Variants in TENM2 observed in about 807,000 individuals in gnomAD.
TENM2 encodes the protein teneurin-2.
TENM2 carries 52 observed loss-of-function variants against 245.2 expected under a neutral mutation model. That is an observed-to-expected ratio of 0.21 (90% confidence interval 0.17 to 0.27). The LOEUF (loss-of-function observed/expected upper bound fraction) is 0.27, where lower values mean the gene tolerates loss of function less well. TENM2 is among the 10% of genes least tolerant of loss of function. The pLI is 1.00. For missense variants in TENM2, 3,046 were observed against 3,666.8 expected, an observed-to-expected ratio of 0.83 and a Z score of 4.37; for synonymous variants, 1,363 against 1,438.9, an observed-to-expected ratio of 0.95 and a Z score of 1.19.
chr5:167,872,548 GAGAAAGAA>G (rs144381538), intron 2 of TENM2, among the ~76,000 whole-genome samples: 807 of 65,460 alleles, frequency 0.012, 8 homozygotes, highest in Non-Finnish European at 0.017. Flanking sequence ...AAGAAAGAAA[GAGAAAGAA>G]AGAAAGAAAG....
At chr5:167,920,934 G>A (rs981561620) in intron 3 of TENM2, among the ~76,000 whole-genome samples, 8 of 152,022 alleles carry the variant, frequency 5.3e-5, no homozygotes, top group Admixed American at 2.0e-4. Flanking sequence ...TTGAAACTAG[G>A]TTATTATCCT....
chr5:168,253,465 G>A (rs1057047655), intron 27 of TENM2, among the ~76,000 whole-genome samples: 16 of 139,014 alleles, frequency 1.2e-4, no homozygotes, highest in South Asian at 2.3e-4. Context: ...TCACTCTGTC[G>A]CCCAGGCTGG....
upstream of TENM2, among the ~76,000 whole-genome samples, chr5:167,279,955 G>A (rs142444171): frequency 6.6e-6 from 1 of 152,166 alleles, no homozygotes; most frequent in African/African-American, 2.4e-5. Context: ...GGTATGACAA[G>A]TGATTTTTTA....
At chr5:167,822,166 G>C (rs113079519) in intron 2 of TENM2, among the ~76,000 whole-genome samples, 3,000 of 151,850 alleles carry the variant, frequency 0.02, 102 homozygotes, top group African/African-American at 0.068. Flanking sequence ...ATGGGCTTGG[G>C]ATTTGATTAA....
the TENM2 span, among the ~76,000 whole-genome samples, chr5:167,141,892 A>C: frequency 1.3e-5 from 2 of 152,232 alleles, no homozygotes; most frequent in Admixed American, 1.3e-4. Context: ...TGATGGGCAC[A>C]GTGTCAAAGC....
intron 1 of TENM2, among the ~76,000 whole-genome samples, chr5:167,322,536 A>G (rs1756826221): frequency 6.6e-6 from 1 of 152,176 alleles, no homozygotes; most frequent in African/African-American, 2.4e-5. Context: ...GTGAAGACCA[A>G]ATGAGATGGC....
At chr5:167,028,966 T>C in the TENM2 span, among the ~76,000 whole-genome samples, 32 of 152,348 alleles carry the variant, frequency 2.1e-4, no homozygotes, top group African/African-American at 7.5e-4. Context: ...GGTCTAATTT[T>C]TTTTAATGTG....
chr5:167,846,865 A>G (rs912603836), intron 2 of TENM2, among the ~76,000 whole-genome samples: 1 of 152,224 alleles, frequency 6.6e-6, no homozygotes, highest in Non-Finnish European at 1.5e-5. Flanking sequence ...ATCATATTCC[A>G]AAGATCGTTG....
At position 168,104,737 on chromosome 5, in the gene TENM2, G is replaced by A. The variant is rs145661080; in HGVS notation, c.1813+6610G>A. 8.7e-3 allele frequency among the ~76,000 whole-genome samples: 1,317 copies of A among 152,156 alleles called. 15 individuals carry two copies. The highest frequency in any genetic ancestry group is 0.03 in the African/African-American group (1,249 of 41,502). ...TCAGTCAGCATGCGTTTGCAAGAGC[G>A]TTTATTCCGCAGCCCTCACAATCTC... On this transcript the variant is annotated intron_variant, in intron 9 of 28. Transcript: ENST00000518659.
In TENM2 at chr5:168,247,736, A is replaced by G; in HGVS notation, c.6797A>G (p.Asp2266Gly). The G allele has an allele frequency of 6.2e-7, 1 of 1,613,916 alleles. No individual in the cohort carries two copies. Among genetic ancestry groups the G allele is most frequent in the Non-Finnish European group, 8.5e-7 (1 of 1,179,894 alleles). The change falls in exon 27 of 29, where the codon GAC becomes GGC. Residue 2266 changes from aspartate to glycine, a missense_variant. Around this residue, in one of 2 missense-constraint regions of TENM2, gnomAD observed 2,704 missense variants for 3,331.9 expected, o/e 0.81. Coordinates refer to ENST00000518659, the Ensembl canonical transcript of TENM2. The surrounding 1 kb of genome is among the most constrained non-coding windows in gnomAD (Gnocchi z 7.8). ...GGGGATGTGCAGTACAAAATTGACG[A>G]CGATGGCTATCTGTGCCAGAGAGGG...
At chr5:168,239,347 A>C (rs1765888264) in intron 25 of TENM2, among the ~76,000 whole-genome samples, 1 of 152,160 alleles carries the variant, frequency 6.6e-6, no homozygotes, top group Admixed American at 6.5e-5. Flanking sequence ...GTTAACTCAA[A>C]CCTGTGCTAT....
At chr5:167,376,662 A>C (rs1274015613) in intron 2 of TENM2, among the ~76,000 whole-genome samples, 4 of 152,168 alleles carry the variant, frequency 2.6e-5, no homozygotes, top group South Asian at 2.1e-4. Context: ...GATGTGTCTT[A>C]CTTATGCCTC....
At chr5:167,749,411 G>C (rs565959729) in intron 2 of TENM2, among the ~76,000 whole-genome samples, 1 of 152,076 alleles carries the variant, frequency 6.6e-6, no homozygotes, top group Non-Finnish European at 1.5e-5. Context: ...AGGCCGAAGC[G>C]GGCAGATCAT....
chr5:168,059,728 T>C (rs1789869587), intron 6 of TENM2, among the ~76,000 whole-genome samples: 1 of 152,190 alleles, frequency 6.6e-6, no homozygotes, highest in African/African-American at 2.4e-5. Context: ...GAGCTCCTGA[T>C]CAACTTGTTG....
intron 1 of TENM2, among the ~76,000 whole-genome samples, chr5:167,359,154 G>A (rs1759542340): frequency 6.6e-6 from 1 of 152,128 alleles, no homozygotes; most frequent in Non-Finnish European, 1.5e-5. Context: ...ATTAGATGAT[G>A]TCATCTTTCC....
At chr5:167,559,959 C>CA (rs1773481820) in intron 2 of TENM2, among the ~76,000 whole-genome samples, 1 of 152,152 alleles carries the variant, frequency 6.6e-6, no homozygotes, top group African/African-American at 2.4e-5. Context: ...GGGTGGCTCT[C>CA]ACGACCAAGG....
intron 20 of TENM2, 57 bp downstream of exon 22, chr5:168,211,811 T>G: frequency 2.7e-6 from 3 of 1,125,314 alleles, no homozygotes; most frequent in Non-Finnish European, 3.8e-6. Context: ...CTTCCTTGTG[T>G]TTGCTTTTTT....
At chr5:168,059,395 C>T (rs1168786487) in intron 6 of TENM2, among the ~76,000 whole-genome samples, 11 of 152,218 alleles carry the variant, frequency 7.2e-5, no homozygotes, top group Admixed American at 1.3e-4. Flanking sequence ...CCAGCAATGC[C>T]GGAAAGCCCA....
At chr5:167,122,936 A>C in the TENM2 span, among the ~76,000 whole-genome samples, 2 of 152,284 alleles carry the variant, frequency 1.3e-5, no homozygotes, top group East Asian at 3.9e-4. Flanking sequence ...CACCTGGAGA[A>C]GTAAACTGCA....
Sources: gnomAD v4.1 joint callset for allele counts (sites outside exome capture counted in the v4.1 genomes callset) on GRCh38, gnomAD v4.1.1 for gene constraint, gnomAD v4.1.1 regional missense constraint, Gnocchi (gnomAD v3.1) non-coding constraint, MANE v1.5 for transcripts, NCBI Gene and HGNC (gene_info 2026-07-23, HGNC 2026-07-21) for gene names.